The following BCR variants were observed in gnomAD, a reference collection of about 807,000 sequenced individuals.
The protein encoded by BCR is BCR activator of RhoGEF and GTPase, also known as breakpoint cluster region protein.
Under a neutral mutation model 138.6 loss-of-function variants are expected in BCR, and 58 were observed. That is an observed-to-expected ratio of 0.42 (90% CI 0.34 to 0.52). The LOEUF (loss-of-function observed/expected upper bound fraction) is 0.52, where lower values mean the gene tolerates loss of function less well. BCR is among the 20% of genes least tolerant of loss of function. The pLI is 0.06. For missense variants in BCR, 1,599 were observed against 1,727.2 expected, an observed-to-expected ratio of 0.93 and a Z score of 1.32; for synonymous variants, 786 against 730.1, an observed-to-expected ratio of 1.08 and a Z score of -1.23.
chr22:23,187,017 T>C (rs1344063650), intron 1 of BCR, among the ~76,000 whole-genome samples: 2 of 152,264 alleles, frequency 1.3e-5, no homozygotes, highest in African/African-American at 2.4e-5. Flanking sequence ...ATTATAGGCA[T>C]GAGCCACTGC....
At chr22:23,213,335 G>A (rs908163982) in intron 1 of BCR, among the ~76,000 whole-genome samples, 5 of 152,210 alleles carry the variant, frequency 3.3e-5, no homozygotes, top group African/African-American at 1.2e-4. Flanking sequence ...GGCCCTGAGT[G>A]AGCCTCCGTG....
intron 1 of BCR, among the ~76,000 whole-genome samples, chr22:23,229,655 A>G (rs1341753096): frequency 6.6e-6 from 1 of 152,184 alleles, no homozygotes; most frequent in Non-Finnish European, 1.5e-5. Flanking sequence ...GTGTTTTCAC[A>G]CATGTGCAGT....
intron 1 of BCR, chr22:23,217,139 T>C (rs906378707): frequency 7.7e-5 from 27 of 348,710 alleles, no homozygotes; most frequent in African/African-American, 5.6e-4. Context: ...TGGAAGTGAT[T>C]GTGGGAAAAT....
intron 10 of BCR, among the ~76,000 whole-genome samples, chr22:23,285,863 CTT>C (rs1160990057): frequency 1.3e-5 from 2 of 152,332 alleles, no homozygotes; most frequent in East Asian, 1.9e-4. Flanking sequence ...GGTGTGATCA[CTT>C]TAAGTTCACA....
chr22:23,264,207 C>A, intron 4 of BCR: 1 of 1,189,684 alleles, frequency 8.4e-7, no homozygotes, highest in Non-Finnish European at 1.3e-6. Flanking sequence ...CGTTGTACGG[C>A]TGTGGGACCG....
At chr22:23,185,171 G>C (rs1008786175) in intron 1 of BCR, among the ~76,000 whole-genome samples, 6 of 152,188 alleles carry the variant, frequency 3.9e-5, no homozygotes, top group Non-Finnish European at 7.3e-5. Flanking sequence ...ACTGGGAAGC[G>C]GCAAGGCTGG....
chr22:23,303,106 G>T (rs1322635537), intron 16 of BCR, among the ~76,000 whole-genome samples: 1 of 151,736 alleles, frequency 6.6e-6, no homozygotes, highest in Admixed American at 6.6e-5. Context: ...AACAGTACTT[G>T]CTTTGTGCCA....
intron 16 of BCR, among the ~76,000 whole-genome samples, chr22:23,296,407 C>T (rs1468336494): frequency 2.0e-5 from 3 of 151,288 alleles, no homozygotes; most frequent in Admixed American, 6.6e-5. Context: ...TACCAAGTGC[C>T]AGGAAGAATG....
chr22:23,287,398 G>A, intron 11 of BCR, 120 bp downstream of exon 11: 1 of 1,397,966 alleles, frequency 7.2e-7, no homozygotes, highest in South Asian at 1.5e-5. Context: ...TGTCCGGCAT[G>A]GTGCATGCAA....
At chr22:23,199,402 T>C (rs1296229260) in intron 1 of BCR, 1 of 465,958 alleles carries the variant, frequency 2.1e-6, no homozygotes, top group East Asian at 6.1e-5. Context: ...AGTCTCAGGT[T>C]CCAGAAACTC....
intron 1 of BCR, among the ~76,000 whole-genome samples, chr22:23,200,543 T>C (rs1449905212): frequency 2.6e-5 from 4 of 151,920 alleles, no homozygotes; most frequent in African/African-American, 9.7e-5. Context: ...AAGAGGACTT[T>C]AACTTTTTTT....
chr22:23,268,527 A>G lies in BCR; in HGVS notation c.1860+12A>G, dbSNP rs761966279. ...CAGAAATCTCCGAGGTAATGCCTTG[A>G]TGCCGTTCAGACAGGTGCACCGCTG... On this transcript the variant is annotated intron_variant, in intron 5 of 22. Coordinates refer to ENST00000305877, the MANE Select transcript of BCR (RefSeq NM_004327.4). 3.7e-6 allele frequency: 6 copies of G among 1,608,194 alleles called. No individual in the cohort carries two copies. Among genetic ancestry groups the G allele is most frequent in the Non-Finnish European group, 5.1e-6 (6 of 1,175,512 alleles).
chr22:23,203,623 A>T (rs1435362927), intron 1 of BCR, among the ~76,000 whole-genome samples: 3 of 152,098 alleles, frequency 2.0e-5, no homozygotes, highest in African/African-American at 7.2e-5. Context: ...CCACTCTCTC[A>T]TTCAGGAAGT....
Position 23,273,782 on chromosome 22 carries a change from TG to T in BCR, c.2115+10del. 1 of 1,613,732 alleles carries T rather than the reference TG, an allele frequency of 6.2e-7. No individual in the cohort carries two copies. Among genetic ancestry groups the T allele is most frequent in the Non-Finnish European group, 8.5e-7 (1 of 1,179,840 alleles). On this transcript the variant is annotated intron_variant, in intron 8 of 22. Transcript: ENST00000305877. ...ACGGTGAAGAAGGGAGAGGTGAGTGTGGCAGGGGATGGCTTGGGTCCACCCA... is the reference window on the plus strand; with the variant it reads ...ACGGTGAAGAAGGGAGAGGTGAGTGTGCAGGGGATGGCTTGGGTCCACCCA...
At chr22:23,272,869 A>G (rs1268461726) in intron 6 of BCR, among the ~76,000 whole-genome samples, 2 of 152,110 alleles carry the variant, frequency 1.3e-5, no homozygotes, top group Non-Finnish European at 2.9e-5. Context: ...CGGGTCTGAC[A>G]GCCGCTCTGG....
intron 1 of BCR, among the ~76,000 whole-genome samples, chr22:23,238,789 GACT>G (rs1294580637): frequency 3.8e-3 from 578 of 152,054 alleles, no homozygotes; most frequent in Middle Eastern, 0.02. Context: ...CTACCCCCAG[GACT>G]GACCCAGAGC....
At chr22:23,182,504 G>A (rs1467735542) in intron 1 of BCR, among the ~76,000 whole-genome samples, 1 of 152,242 alleles carries the variant, frequency 6.6e-6, no homozygotes, top group Non-Finnish European at 1.5e-5. Flanking sequence ...TGGTTCTAGA[G>A]CAATGTGTTT....
intron 9 of BCR, 62 bp downstream of exon 9, chr22:23,284,160 G>A: frequency 1.3e-6 from 2 of 1,598,336 alleles, no homozygotes; most frequent in Non-Finnish European, 8.5e-7. Flanking sequence ...AGGTCATGGA[G>A]GGTCTTGTCA....
In BCR at chr22:23,261,489, C is replaced by T. The variant is rs769279665; in HGVS notation, c.1701C>T (p.Arg567=). The T allele has an allele frequency of 1.1e-5, 17 of 1,613,494 alleles. No individual in the cohort carries two copies. Among genetic ancestry groups the T allele is most frequent in the Middle Eastern group, 3.3e-4 (2 of 6,076 alleles). Residue 567 remains arginine (R), a synonymous_variant, in exon 4 of 23, where the codon CGC becomes CGT. Coordinates refer to ENST00000305877, the MANE Select transcript of BCR (RefSeq NM_004327.4). ...AGTTCTATGATGGGCTCTTCCCCCG[C>T]GTGCAGCAGTGGAGCCACCAGCAGC... ...HKEFYDGLFP[R]VQQWSHQQRV...
Sources: allele counts gnomAD v4.1 joint callset (sites outside exome capture counted in the v4.1 genomes callset), GRCh38; gene constraint gnomAD v4.1.1; transcripts MANE v1.5; gene names NCBI Gene and HGNC (gene_info 2026-07-23, HGNC 2026-07-21).